GRIK1: variants seen among roughly 807,000 people sequenced by gnomAD.
The protein encoded by GRIK1 is glutamate receptor ionotropic, kainate 1.
Under a neutral mutation model 105.7 loss-of-function variants are expected in GRIK1, and 69 were observed. The ratio of observed to expected loss-of-function variants is 0.65; its 90% CI spans 0.54 to 0.80. GRIK1 has a LOEUF of 0.80. GRIK1 is among the 30% of genes least tolerant of loss of function. GRIK1 has a pLI of 0.00. For synonymous variants in GRIK1, 438 were observed against 431.3 expected (o/e 1.02, Z -0.19); for missense variants, 1,109 against 1,167.3 (o/e 0.95, Z 0.73).
At chr21:29,580,229 C>T (rs544146841) in intron 13 of GRIK1, among the ~76,000 whole-genome samples, 1 of 150,468 alleles carries the variant, frequency 6.6e-6, no homozygotes, top group African/African-American at 2.4e-5. Context: ...GCAGGGGTCT[C>T]CTTCACTCTG....
intron 16 of GRIK1, chr21:29,553,651 G>A (rs763503054): frequency 2.0e-5 from 32 of 1,608,618 alleles, no homozygotes; most frequent in Non-Finnish European, 2.7e-5. Flanking sequence ...TTCCAGAAGT[G>A]GAGTTGGTTG....
chr21:29,708,061 A>G (rs776130629), intron 1 of GRIK1, among the ~76,000 whole-genome samples: 6 of 152,238 alleles, frequency 3.9e-5, no homozygotes, highest in Non-Finnish European at 7.3e-5. Context: ...ATGTAATGCT[A>G]CAGGGACCTG....
intron 1 of GRIK1, among the ~76,000 whole-genome samples, chr21:29,862,016 A>G (rs1360605211): frequency 6.6e-6 from 1 of 151,830 alleles, no homozygotes; most frequent in African/African-American, 2.4e-5. Flanking sequence ...TTTTTTAGAG[A>G]TAGAGTCTTG....
intron 15 of GRIK1, among the ~76,000 whole-genome samples, chr21:29,555,612 A>T (rs1208110349): frequency 6.6e-6 from 1 of 152,146 alleles, no homozygotes; most frequent in Non-Finnish European, 1.5e-5. Flanking sequence ...GTCTTTTCAC[A>T]TGTCAAGAGA....
intron 1 of GRIK1, among the ~76,000 whole-genome samples, chr21:29,793,383 C>T (rs2066477063): frequency 6.6e-6 from 1 of 152,174 alleles, no homozygotes; most frequent in Non-Finnish European, 1.5e-5. Context: ...TGCCTAGCTG[C>T]TTCCATATGT....
intron 3 of GRIK1, among the ~76,000 whole-genome samples, chr21:29,676,215 C>T (rs2063263708): frequency 6.6e-6 from 1 of 152,126 alleles, no homozygotes; most frequent in Non-Finnish European, 1.5e-5. Flanking sequence ...TATTTTTCTC[C>T]TTTTGCCAGT....
intron 1 of GRIK1, among the ~76,000 whole-genome samples, chr21:29,696,813 T>C (rs1355799855): frequency 6.6e-6 from 1 of 152,228 alleles, no homozygotes; most frequent in Non-Finnish European, 1.5e-5. Context: ...CATTAATCTG[T>C]GCAGGGTAGG....
chr21:29,882,770 T>C (rs1413520519), intron 1 of GRIK1, among the ~76,000 whole-genome samples: 1 of 152,104 alleles, frequency 6.6e-6, no homozygotes, highest in Non-Finnish European at 1.5e-5. Flanking sequence ...GGAAAGTTTG[T>C]TTCTATTTCT....
intron 1 of GRIK1, among the ~76,000 whole-genome samples, chr21:29,781,752 G>A (rs2066113419): frequency 8.3e-6 from 1 of 120,830 alleles, no homozygotes; most frequent in African/African-American, 2.8e-5. Flanking sequence ...CTCACTGCAA[G>A]CTCCGCTTCC....
chr21:29,905,345 C>T (rs1021627543), intron 1 of GRIK1, among the ~76,000 whole-genome samples: 1 of 152,088 alleles, frequency 6.6e-6, no homozygotes, highest in Non-Finnish European at 1.5e-5. Context: ...AGGCTGGGTC[C>T]TAGAAGGTCT....
At chr21:29,656,286 C>T (rs1299646790) in intron 4 of GRIK1, among the ~76,000 whole-genome samples, 5 of 130,148 alleles carry the variant, frequency 3.8e-5, no homozygotes, top group South Asian at 5.3e-4. Flanking sequence ...GGCGTGAACC[C>T]GGGGGCGGAG....
At chr21:29,785,873 G>A (rs2066246373) in intron 1 of GRIK1, among the ~76,000 whole-genome samples, 1 of 152,196 alleles carries the variant, frequency 6.6e-6, no homozygotes, top group South Asian at 2.1e-4. Context: ...TGGGCTAGGG[G>A]ACAAGCCTAT....
chr21:29,788,491 T>C (rs1426629868), intron 1 of GRIK1, among the ~76,000 whole-genome samples: 1 of 152,184 alleles, frequency 6.6e-6, no homozygotes, highest in Non-Finnish European at 1.5e-5. Context: ...GATCACATGG[T>C]GTCTTATAGA....
intron 1 of GRIK1, among the ~76,000 whole-genome samples, chr21:29,927,002 T>C (rs2071391552): frequency 6.6e-6 from 1 of 152,146 alleles, no homozygotes; most frequent in African/African-American, 2.4e-5. Context: ...AGGAATATTC[T>C]CATGAGAAGC....
intron 3 of GRIK1, among the ~76,000 whole-genome samples, chr21:29,682,413 A>T (rs1203806126): frequency 2.6e-5 from 4 of 152,218 alleles, no homozygotes; most frequent in Non-Finnish European, 5.9e-5. Flanking sequence ...GGGCCTATCC[A>T]TAGGTAAATT....
intron 1 of GRIK1, among the ~76,000 whole-genome samples, chr21:29,699,495 C>A (rs2063772081): frequency 1.3e-5 from 2 of 152,258 alleles, no homozygotes; most frequent in African/African-American, 4.8e-5. Context: ...GAAACCAAAC[C>A]TGCCGACACC....
At chr21:29,660,191 T>C (rs2062935423) in intron 4 of GRIK1, among the ~76,000 whole-genome samples, 1 of 152,210 alleles carries the variant, frequency 6.6e-6, no homozygotes, top group Non-Finnish European at 1.5e-5. Context: ...TTGACCTTCT[T>C]AGTCTAGCCT....
intron 1 of GRIK1, among the ~76,000 whole-genome samples, chr21:29,820,493 A>G (rs2067271360): frequency 6.6e-6 from 1 of 152,060 alleles, no homozygotes; most frequent in African/African-American, 2.4e-5. Context: ...GCTGGCAAAA[A>G]TAGGTAGCAG....
intron 1 of GRIK1, among the ~76,000 whole-genome samples, chr21:29,895,521 G>A (rs1244087687): frequency 6.6e-6 from 1 of 152,116 alleles, no homozygotes; most frequent in East Asian, 1.9e-4. Context: ...TATTTTTCTT[G>A]ACCATGTGTC....
Sources: gnomAD v4.1 joint callset for allele counts (sites outside exome capture counted in the v4.1 genomes callset) on GRCh38, gnomAD v4.1.1 for gene constraint, MANE v1.5 for transcripts, NCBI Gene and HGNC (gene_info 2026-07-23, HGNC 2026-07-21) for gene names.